Variants in ZNF184 observed in about 807,000 individuals in gnomAD.
ZNF184 encodes the protein zinc finger protein 184.
A neutral mutation model predicts 54.4 loss-of-function variants in ZNF184; 16 were observed. The ratio of observed to expected loss-of-function variants is 0.29; its 90% CI spans 0.20 to 0.45. The LOEUF (loss-of-function observed/expected upper bound fraction) is 0.45. ZNF184 is among the 20% of genes least tolerant of loss of function. ZNF184 has a pLI of 1.00. For missense variants in ZNF184, 681 were observed against 888.2 expected, an observed-to-expected ratio of 0.77 and a Z score of 2.97; for synonymous variants, 254 against 295.3, an observed-to-expected ratio of 0.86 and a Z score of 1.43.
the ZNF184 span, among the ~76,000 whole-genome samples, chr6:27,419,533 G>A: frequency 1.5e-5 from 1 of 68,324 alleles, no homozygotes; most frequent in East Asian, 5.4e-4. The surrounding 1 kb of genome is among the most constrained non-coding windows in gnomAD (Gnocchi z 4.8). Flanking sequence ...TATTCAGATA[G>A]ATAGATAGAT....
intron 2 of ZNF184, among the ~76,000 whole-genome samples, chr6:27,469,122 A>T (rs1022112336): frequency 6.6e-6 from 1 of 152,242 alleles, no homozygotes; most frequent in Non-Finnish European, 1.5e-5. Flanking sequence ...TAATTATGCA[A>T]GTCCCTTGTC....
the ZNF184 span, chr6:27,405,415 C>T: frequency 6.6e-5 from 10 of 152,192 alleles, no homozygotes; most frequent in African/African-American, 1.9e-4. Flanking sequence ...TGGACTGCAC[C>T]AGCAGTCCAG....
intron 3 of ZNF184, among the ~76,000 whole-genome samples, chr6:27,458,965 T>C (rs1001458792): frequency 6.6e-6 from 1 of 152,158 alleles, no homozygotes; most frequent in African/African-American, 2.4e-5. Flanking sequence ...TTATGTTAAG[T>C]GAAATATGCC....
At chr6:27,423,318 C>G in the ZNF184 span, among the ~76,000 whole-genome samples, 2 of 152,124 alleles carry the variant, frequency 1.3e-5, no homozygotes, top group Non-Finnish European at 2.9e-5. Context: ...CGGGGATTGT[C>G]CAACAGGAAT....
the ZNF184 span, among the ~76,000 whole-genome samples, chr6:27,427,794 C>T: frequency 6.6e-6 from 1 of 152,186 alleles, no homozygotes; most frequent in Non-Finnish European, 1.5e-5. Flanking sequence ...TGTCACCTAA[C>T]CAAAAGAGGG....
chr6:27,469,287 C>T (rs909605866), intron 2 of ZNF184, among the ~76,000 whole-genome samples: 1 of 152,152 alleles, frequency 6.6e-6, no homozygotes, highest in African/African-American at 2.4e-5. Context: ...AGAATTTTCT[C>T]CTCTTAGAAA....
chr6:27,463,192 G>A (rs936528365), intron 3 of ZNF184, among the ~76,000 whole-genome samples: 73 of 149,766 alleles, frequency 4.9e-4, no homozygotes, highest in Admixed American at 1.4e-3. Flanking sequence ...GAGTTAATGG[G>A]TGCAGCACAC....
chr6:27,421,799 A>G, the ZNF184 span, among the ~76,000 whole-genome samples: 4 of 152,212 alleles, frequency 2.6e-5, no homozygotes, highest in Non-Finnish European at 5.9e-5. Flanking sequence ...CTGGTGTGGT[A>G]GCTCACGCCT....
At position 27,457,329 on chromosome 6, in the gene ZNF184, C is replaced by T. The variant is rs1238306878; in HGVS notation, c.156G>A (p.Leu52=). ...WKQLDPGQRD[L]FRDVTLENYT... is the part of the protein sequence containing the mutation. Reference sequence around the variant, plus strand: ...AATTTTCCAATGTCACATCCCTGAACAAATCTCTCTGGCCAGGGTCCAGCT... The same window carrying T: ...AATTTTCCAATGTCACATCCCTGAATAAATCTCTCTGGCCAGGGTCCAGCT... Residue 52 remains leucine (L), a synonymous_variant, in exon 4 of 6, where the codon TTG becomes TTA. Transcript: ENST00000683788. The T allele has an allele frequency of 3.1e-6, 5 of 1,614,070 alleles. No homozygotes were observed. Among genetic ancestry groups the T allele is most frequent in the Non-Finnish European group, 4.2e-6 (5 of 1,179,998 alleles).
the ZNF184 span, among the ~76,000 whole-genome samples, chr6:27,427,668 T>C: frequency 6.6e-6 from 1 of 152,188 alleles, no homozygotes; most frequent in Non-Finnish European, 1.5e-5. Flanking sequence ...TTCCAGCTAC[T>C]TCCTAGTTGT....
rs1254181228 is a variant in ZNF184, at chr6:27,456,827, T to G, written c.297A>C (p.Ala99=). 1 of 1,613,836 alleles carries G rather than the reference T, an allele frequency of 6.2e-7. No homozygotes were observed. Residue 99 remains alanine (A), a splice_region_variant and synonymous_variant, in exon 5 of 6, where the codon GCA becomes GCC. Transcript: ENST00000683788. ...MEPSIPVGTC[A]DWETRLENSV... ...CATCTGCTGGCATCCATGACTTACC[T>G]GCACAGGTACCTACTGGAATGCTTG...
intron 5 of ZNF184, among the ~76,000 whole-genome samples, chr6:27,454,409 G>A (rs1377020931): frequency 1.3e-5 from 2 of 152,322 alleles, no homozygotes; most frequent in Middle Eastern, 3.4e-3. Flanking sequence ...ATTTCTACAG[G>A]AGGGACGACA....
chr6:27,424,144 A>C, the ZNF184 span, among the ~76,000 whole-genome samples: 1 of 152,290 alleles, frequency 6.6e-6, no homozygotes, highest in East Asian at 1.9e-4. Context: ...CTGGCTCAGA[A>C]GTGAAGCTGC....
the ZNF184 span, among the ~76,000 whole-genome samples, chr6:27,443,239 G>A: frequency 6.6e-6 from 1 of 152,118 alleles, no homozygotes; most frequent in East Asian, 1.9e-4. Context: ...TGACTTAACT[G>A]GGCCTGGAGG....
At chr6:27,429,097 A>G in the ZNF184 span, among the ~76,000 whole-genome samples, 1 of 152,354 alleles carries the variant, frequency 6.6e-6, no homozygotes, top group East Asian at 1.9e-4. Flanking sequence ...AAGCTAAGTC[A>G]TAAAAGGTGT....
intron 3 of ZNF184, 80 bp from the exon 4 acceptor site, chr6:27,457,489 AAGGCAGTCTAT>A: frequency 1.3e-6 from 2 of 1,511,032 alleles, no homozygotes; most frequent in African/African-American, 2.8e-5. Flanking sequence ...TGACAGAAGT[AAGGCAGTCTAT>A]AGGATGTCTG....
At position 27,456,831 on chromosome 6, in the gene ZNF184, C is replaced by T. The variant is rs375506890; in HGVS notation, c.293G>A (p.Cys98Tyr). ...IMEPSIPVGT[C>Y]ADWETRLENS... is the part of the protein sequence containing the mutation. ...TGCTGGCATCCATGACTTACCTGCA[C>T]AGGTACCTACTGGAATGCTTGGCTC... is the stretch of plus-strand genomic sequence containing the variant. The change falls in exon 5 of 6, where the codon TGT becomes TAT. Residue 98 changes from cysteine (C) to tyrosine (Y), a missense_variant. Coordinates refer to ENST00000683788, the MANE Select transcript of ZNF184 (RefSeq NM_001318891.2). 5.0e-6 allele frequency: 8 copies of T among 1,613,876 alleles called. No individual in the cohort carries two copies. Among genetic ancestry groups the T allele is most frequent in the Non-Finnish European group, 6.8e-6 (8 of 1,179,954 alleles).
the ZNF184 span, among the ~76,000 whole-genome samples, chr6:27,418,288 A>C: frequency 2.6e-5 from 4 of 152,178 alleles, no homozygotes; most frequent in Non-Finnish European, 1.5e-5. Context: ...GCACGTTGCT[A>C]GTGACTAATA....
In ZNF184 at chr6:27,453,883, A is replaced by G. The variant is rs1364716800; in HGVS notation, c.299-623T>C. 3.9e-5 allele frequency among the ~76,000 whole-genome samples: 6 copies of G among 152,236 alleles called. No homozygotes were observed. In the East Asian group the frequency reaches 9.6e-4, roughly 24 times the overall value. On this transcript the variant is annotated intron_variant, in intron 5 of 5. Coordinates refer to ENST00000683788, the MANE Select transcript of ZNF184 (RefSeq NM_001318891.2). This position sits in a 1 kb window ranked among gnomAD's most constrained non-coding sequence, Gnocchi z 4.7. ...AAGTGAAAGATGCCAACATCAGAAT[A>G]ACAAGGATGTTCAAATGTAGGATGG...
Sources: allele counts gnomAD v4.1 joint callset (sites outside exome capture counted in the v4.1 genomes callset), GRCh38; gene constraint gnomAD v4.1.1; non-coding constraint Gnocchi (gnomAD v3.1); transcripts MANE v1.5; gene names NCBI Gene and HGNC (gene_info 2026-07-23, HGNC 2026-07-21).